The following KCNJ4 variants were observed in gnomAD, a reference collection of about 807,000 sequenced individuals.
KCNJ4 encodes the protein potassium inwardly rectifying channel subfamily J member 4, also known as inward rectifier potassium channel 4.
A neutral mutation model predicts 25.6 loss-of-function variants in KCNJ4; 3 were observed. The observed-to-expected ratio is 0.12, with a 90% CI of 0.05 to 0.30. The LOEUF (loss-of-function observed/expected upper bound fraction) is 0.30, where lower values mean the gene tolerates loss of function less well. Among genes scored for constraint, KCNJ4 ranks in the 10% least tolerant of loss-of-function variants. The probability of loss-of-function intolerance (pLI) is 1.00; values close to 1 mark genes in which losing one functional copy is unlikely to be tolerated. For synonymous variants in KCNJ4, 257 were observed against 283.9 expected (o/e 0.91, Z 0.95); for missense variants, 286 against 666.8 (o/e 0.43, Z 6.29).
At chr22:38,437,975 A>G (rs2089304556) in intron 1 of KCNJ4, among the ~76,000 whole-genome samples, 1 of 151,980 alleles carries the variant, frequency 6.6e-6, no homozygotes, top group African/African-American at 2.4e-5. Context: ...ATGGTGGCTC[A>G]CGCCTGTATT....
At position 38,427,183 on chromosome 22, in the gene KCNJ4, C is replaced by T. The variant is rs1212314350; in HGVS notation, c.950G>A (p.Arg317His). The stretch of plus-strand genomic sequence containing the variant: ...CTCCTCGAAGACCACAGGCTCAAAG[C>T]GGTGGCCCCACAGGATCTCGCTGGC... Reference protein sequence around the residue: ...YLASEILWGHRFEPVVFEEKS... With the variant: ...YLASEILWGHHFEPVVFEEKS... The change falls in exon 2 of 2, where the codon CGC becomes CAC. Residue 317 changes from arginine to histidine, a missense_variant. Around this residue, in one of 11 missense-constraint regions of KCNJ4, gnomAD observed 36 missense variants for 100.1 expected, o/e 0.36. Transcript: ENST00000303592. 1.9e-6 allele frequency: 3 copies of T among 1,613,368 alleles called. No individual in the cohort carries two copies. The highest frequency in any genetic ancestry group is 2.5e-6 in the Non-Finnish European group (3 of 1,180,016).
At chr22:38,439,374 G>A (rs955860336) in intron 1 of KCNJ4, among the ~76,000 whole-genome samples, 1 of 152,226 alleles carries the variant, frequency 6.6e-6, no homozygotes, top group African/African-American at 2.4e-5. Context: ...GGAGGGTACA[G>A]TCAGCCAAGG....
intron 1 of KCNJ4, among the ~76,000 whole-genome samples, chr22:38,454,201 C>T (rs898018579): frequency 6.6e-6 from 1 of 152,200 alleles, no homozygotes; most frequent in Non-Finnish European, 1.5e-5. Flanking sequence ...GCTGCCCTGC[C>T]TCTAGCCCGC....
chr22:38,442,544 CA>C lies in KCNJ4; in HGVS notation c.-40+12435del, dbSNP rs10631730. On this transcript the variant is annotated intron_variant, in intron 1 of 1. Transcript: ENST00000303592. ...CCTGGGTGACAGAGCAAGACTCCAT[CA>C]AAAAAAAAAAAAAAAAAGGACTGTC... Among the ~76,000 whole-genome samples, 109 of 93,924 alleles carry C rather than the reference CA, an allele frequency of 1.2e-3. 1 individual carries two copies. The highest frequency in any genetic ancestry group is 2.5e-3 in the Admixed American group (20 of 8,144). The allele number at this position is 93,924 out of a possible 152,430, so 61.6% of individuals were successfully genotyped here. A position where few individuals can be genotyped will look rare whatever the true frequency, so the allele number is the denominator to read the frequency against.
chr22:38,435,947 G>A (rs1409071547), intron 1 of KCNJ4, among the ~76,000 whole-genome samples: 2 of 151,968 alleles, frequency 1.3e-5, no homozygotes, highest in African/African-American at 2.4e-5. Context: ...GGAAACTGTG[G>A]CAGGGTCCCC....
intron 1 of KCNJ4, among the ~76,000 whole-genome samples, chr22:38,450,355 A>G (rs1377419726): frequency 6.6e-6 from 1 of 152,074 alleles, no homozygotes; most frequent in South Asian, 2.1e-4. Flanking sequence ...CCAGGTTCAC[A>G]TGGATGGGTG....
At chr22:38,446,637 G>A (rs369224696) in intron 1 of KCNJ4, among the ~76,000 whole-genome samples, 1 of 152,140 alleles carries the variant, frequency 6.6e-6, no homozygotes, top group South Asian at 2.1e-4. Flanking sequence ...CAGGCTCACA[G>A]GATCTTCCCA....
At chr22:38,433,568 C>T (rs1035494041) in intron 1 of KCNJ4, among the ~76,000 whole-genome samples, 7 of 152,180 alleles carry the variant, frequency 4.6e-5, no homozygotes, top group South Asian at 2.1e-4. Context: ...CCTCCTGCCT[C>T]GGTCTCCCAA....
At chr22:38,437,363 A>C (rs1685414810) in intron 1 of KCNJ4, among the ~76,000 whole-genome samples, 1 of 151,948 alleles carries the variant, frequency 6.6e-6, no homozygotes, top group African/African-American at 2.4e-5. Flanking sequence ...AGAGCTTCCC[A>C]CCCTCCACAA....
chr22:38,451,525 C>G (rs2089410287), intron 1 of KCNJ4, among the ~76,000 whole-genome samples: 3 of 152,134 alleles, frequency 2.0e-5, no homozygotes, highest in African/African-American at 7.2e-5. Flanking sequence ...GTGAGGGGAT[C>G]TGGAGAGAAG....
intron 1 of KCNJ4, among the ~76,000 whole-genome samples, chr22:38,434,089 C>T (rs988926691): frequency 6.6e-6 from 1 of 152,170 alleles, no homozygotes; most frequent in African/African-American, 2.4e-5. Context: ...CAGGCCCTGC[C>T]AGAGCCAGGC....
intron 1 of KCNJ4, among the ~76,000 whole-genome samples, chr22:38,442,155 T>C (rs2089339460): frequency 2.6e-5 from 4 of 152,118 alleles, no homozygotes; most frequent in Admixed American, 2.6e-4. Context: ...TGTGTCTTTT[T>C]AAATTTTAGA....
Position 38,426,611 on chromosome 22 carries a change from G to A in KCNJ4, c.*184C>T. ...CGGAACTCAGGCTGATCGGGGCCGA[G>A]CTCTTCCCAGGCCTGGGTGCTGGAG... On this transcript the variant is annotated 3_prime_UTR_variant, in exon 2 of 2. Coordinates refer to ENST00000303592, the MANE Select transcript of KCNJ4 (RefSeq NM_152868.3). The A allele has an allele frequency of 1.4e-6, 1 of 739,268 alleles. No individual in the cohort carries two copies. The highest frequency in any genetic ancestry group is 2.2e-6 in the Non-Finnish European group (1 of 454,770). 45.8% of individuals were successfully genotyped at this position (739,268 alleles called of 1,614,324 possible). A position where few individuals can be genotyped will look rare whatever the true frequency, so the allele number is the denominator to read the frequency against.
chr22:38,426,637 T>G lies in KCNJ4; in HGVS notation c.*158A>C. 3.3e-6 allele frequency: 3 copies of G among 903,230 alleles called. No individual in the cohort carries two copies. Among genetic ancestry groups the G allele is most frequent in the East Asian group, 2.6e-5 (1 of 39,106 alleles). 56.0% of individuals were successfully genotyped at this position (903,230 alleles called of 1,614,324 possible). On this transcript the variant is annotated 3_prime_UTR_variant, in exon 2 of 2. Transcript: ENST00000303592. Reference sequence around the variant, plus strand: ...CTCTTCCCAGGCCTGGGTGCTGGAGTCAGGAGGAAGGGGTCCCCCAGTCTT... The same window carrying G: ...CTCTTCCCAGGCCTGGGTGCTGGAGGCAGGAGGAAGGGGTCCCCCAGTCTT...
intron 1 of KCNJ4, among the ~76,000 whole-genome samples, chr22:38,434,726 CCTCA>C (rs1000299562): frequency 3.9e-5 from 6 of 152,280 alleles, no homozygotes; most frequent in Admixed American, 6.5e-5. Context: ...AGCCCTCAGG[CCTCA>C]CTGTCTATCT....
At chr22:38,438,720 A>G (rs374524438) in intron 1 of KCNJ4, among the ~76,000 whole-genome samples, 3 of 151,548 alleles carry the variant, frequency 2.0e-5, no homozygotes, top group African/African-American at 7.3e-5. Context: ...AGAAAGAAAG[A>G]AAGAAAGAAT....
chr22:38,447,438 T>C (rs1480269714), intron 1 of KCNJ4, among the ~76,000 whole-genome samples: 1 of 152,148 alleles, frequency 6.6e-6, no homozygotes, highest in African/African-American at 2.4e-5. Context: ...CTCCAGCCTG[T>C]GCCCACCACC....
chr22:38,455,171 G>C lies in KCNJ4; in HGVS notation c.-231C>G, dbSNP rs1447237384. 2.7e-5 allele frequency: 4 copies of C among 147,874 alleles called. No individual in the cohort carries two copies. The highest frequency in any genetic ancestry group is 6.0e-5 in the Non-Finnish European group (4 of 66,562). The allele number at this position is 147,874 out of a possible 1,614,324, so 9.2% of individuals were successfully genotyped here. On this transcript the variant is annotated 5_prime_UTR_variant, in exon 1 of 2. Transcript: ENST00000303592. ...TCTGCGCGTGGGTCTTGGGGTCTCC[G>C]CGCGTCCCGGCCGTCCCGCGCCGCT... is the stretch of plus-strand genomic sequence containing the variant.
At chr22:38,454,335 G>C (rs968524182) in intron 1 of KCNJ4, among the ~76,000 whole-genome samples, 1 of 152,062 alleles carries the variant, frequency 6.6e-6, no homozygotes, top group Non-Finnish European at 1.5e-5. Flanking sequence ...GGGGACATTT[G>C]GCAGGTTGCA....
Sources: gnomAD v4.1 joint callset for allele counts (sites outside exome capture counted in the v4.1 genomes callset) on GRCh38, gnomAD v4.1.1 for gene constraint, gnomAD v4.1.1 regional missense constraint, MANE v1.5 for transcripts, NCBI Gene and HGNC (gene_info 2026-07-23, HGNC 2026-07-21) for gene names.